AGTPBP1: variants seen among roughly 807,000 people sequenced by gnomAD.
AGTPBP1 encodes cytosolic carboxypeptidase 1.
A neutral mutation model predicts 143.9 loss-of-function variants in AGTPBP1; 70 were observed. The ratio of observed to expected loss-of-function variants is 0.49; its 90% confidence interval spans 0.40 to 0.59. AGTPBP1 has a LOEUF of 0.59. Ranked by LOEUF, AGTPBP1 falls within the 20% of genes least tolerant of loss-of-function variation. The pLI, the probability that AGTPBP1 is intolerant of heterozygous loss-of-function variation, is 0.00. For synonymous variants in AGTPBP1, 463 were observed against 500.2 expected, an observed-to-expected ratio of 0.93 and a Z score of 0.99; for missense variants, 1,229 against 1,464.5, an observed-to-expected ratio of 0.84 and a Z score of 2.62.
intron 19 of AGTPBP1, among the ~76,000 whole-genome samples, chr9:85,591,752 C>T (rs1828981698): frequency 6.6e-6 from 1 of 152,092 alleles, no homozygotes; most frequent in Non-Finnish European, 1.5e-5. Flanking sequence ...ATCTCTTCTG[C>T]TCTACAGACT....
At chr9:85,700,336 C>G (rs1305941770) in intron 2 of AGTPBP1, among the ~76,000 whole-genome samples, 1 of 152,086 alleles carries the variant, frequency 6.6e-6, no homozygotes, top group Non-Finnish European at 1.5e-5. Context: ...CTCATTCAAC[C>G]ATCTAGGCTG....
chr9:85,655,905 G>A (rs1457884970), intron 10 of AGTPBP1, among the ~76,000 whole-genome samples: 1 of 152,190 alleles, frequency 6.6e-6, no homozygotes, highest in Non-Finnish European at 1.5e-5. Context: ...TCGGCTCACT[G>A]CAAGCTCCGC....
At chr9:85,657,341 A>T in intron 10 of AGTPBP1, 94 bp downstream of exon 10, 1 of 1,084,984 alleles carries the variant, frequency 9.2e-7, no homozygotes, top group Non-Finnish European at 1.3e-6. Flanking sequence ...TCCTGTGTAT[A>T]CGTTTCTGAG....
intron 17 of AGTPBP1, among the ~76,000 whole-genome samples, chr9:85,608,909 G>C (rs113032057): frequency 0.019 from 2,842 of 152,170 alleles, 91 homozygotes; most frequent in African/African-American, 0.065. Flanking sequence ...ATAGGGTGGA[G>C]GAAGGCATCT....
At chr9:85,652,481 C>T (rs576439720) in intron 11 of AGTPBP1, among the ~76,000 whole-genome samples, 2 of 152,086 alleles carry the variant, frequency 1.3e-5, no homozygotes, top group Non-Finnish European at 2.9e-5. Context: ...CACTGCACTC[C>T]AGCCTGAAGA....
chr9:85,796,855 C>T, the AGTPBP1 span, among the ~76,000 whole-genome samples: 1 of 152,114 alleles, frequency 6.6e-6, no homozygotes, highest in Non-Finnish European at 1.5e-5. Flanking sequence ...GGTGCAGTCT[C>T]GGCTCACTGC....
chr9:85,798,262 T>C, the AGTPBP1 span, among the ~76,000 whole-genome samples: 1 of 152,142 alleles, frequency 6.6e-6, no homozygotes, highest in Non-Finnish European at 1.5e-5. Flanking sequence ...TTCTAGCAGT[T>C]TCCTGAGTGA....
chr9:85,632,849 A>G lies in AGTPBP1; in HGVS notation c.1828T>C (p.Ser610Pro). Residue 610 changes from serine (S) to proline (P), a missense_variant, in exon 14 of 26, where the codon TCG becomes CCG. Around this residue, in one of 2 missense-constraint regions of AGTPBP1, gnomAD observed 743 missense variants for 812.2 expected, o/e 0.91. Transcript: ENST00000357081. ...EDDEDTESNS[S>P]VEQASVEVPD... ...ACTTCAACCGATGCTTGTTCTACCG[A>G]TGAATTTGACTCAGTATCTTCATCA... 6.2e-7 allele frequency: 1 copy of G among 1,614,170 alleles called. No homozygotes were observed.
intron 1 of AGTPBP1, among the ~76,000 whole-genome samples, chr9:85,728,655 T>C (rs534931500): frequency 1.6e-4 from 24 of 152,192 alleles, no homozygotes; most frequent in Non-Finnish European, 3.1e-4. Flanking sequence ...GAACTTCTTT[T>C]AGTTTTAAAA....
chr9:85,737,280 G>A (rs982476766), intron 1 of AGTPBP1, among the ~76,000 whole-genome samples: 2 of 152,068 alleles, frequency 1.3e-5, no homozygotes, highest in African/African-American at 4.8e-5. Flanking sequence ...AAAGTAAAGT[G>A]CTTCTGTAAC....
chr9:85,756,479 A>G, the AGTPBP1 span, among the ~76,000 whole-genome samples: 1 of 105,714 alleles, frequency 9.5e-6, no homozygotes, highest in Non-Finnish European at 1.7e-5. Flanking sequence ...CAGTAATCTC[A>G]CTCCTAGGGA....
the AGTPBP1 span, among the ~76,000 whole-genome samples, chr9:85,797,418 T>A: frequency 6.6e-6 from 1 of 152,182 alleles, no homozygotes; most frequent in Non-Finnish European, 1.5e-5. Context: ...GGTTGCTTAG[T>A]TTTCTCTATA....
At chr9:85,693,225 C>A (rs1367019670) in intron 2 of AGTPBP1, among the ~76,000 whole-genome samples, 1 of 152,176 alleles carries the variant, frequency 6.6e-6, no homozygotes, top group Non-Finnish European at 1.5e-5. Flanking sequence ...CAAGAATACA[C>A]TCACTTTCCT....
intron 5 of AGTPBP1, 54 bp from the exon 6 acceptor site, chr9:85,677,636 A>C (rs1052514663): frequency 4.1e-5 from 57 of 1,388,350 alleles, no homozygotes; most frequent in Non-Finnish European, 5.3e-5. Flanking sequence ...AAAATTAACA[A>C]ATTTAAACAA....
intron 1 of AGTPBP1, among the ~76,000 whole-genome samples, chr9:85,731,438 G>A (rs1017388571): frequency 6.6e-6 from 1 of 151,966 alleles, no homozygotes; most frequent in Non-Finnish European, 1.5e-5. Context: ...GGGGAGGGAA[G>A]TGTTTTGGTT....
intron 1 of AGTPBP1, among the ~76,000 whole-genome samples, chr9:85,733,251 T>G (rs1839007025): frequency 6.6e-6 from 1 of 152,184 alleles, no homozygotes; most frequent in Admixed American, 6.5e-5. Context: ...CTCAATTGCT[T>G]TTAAAAGATA....
chr9:85,671,762 G>GA (rs1193446835), intron 7 of AGTPBP1, among the ~76,000 whole-genome samples: 17 of 152,124 alleles, frequency 1.1e-4, no homozygotes, highest in African/African-American at 4.1e-4. Context: ...TTTTATCTGA[G>GA]TCTGTCTCTC....
At chr9:85,667,997 G>GT (rs1220046482) in intron 8 of AGTPBP1, among the ~76,000 whole-genome samples, 3 of 151,386 alleles carry the variant, frequency 2.0e-5, no homozygotes, top group Non-Finnish European at 4.4e-5. Context: ...GACAACTGCG[G>GT]TAACACTAAA....
the AGTPBP1 span, chr9:85,781,304 A>G: frequency 4.3e-5 from 67 of 1,569,404 alleles, no homozygotes; most frequent in Non-Finnish European, 5.5e-5. Flanking sequence ...AGCCGGGATC[A>G]TAAGAAGAAA....
Sources: allele counts gnomAD v4.1 joint callset (sites outside exome capture counted in the v4.1 genomes callset), GRCh38; gene constraint gnomAD v4.1.1; regional missense constraint gnomAD v4.1.1; transcripts MANE v1.5; gene names NCBI Gene and HGNC (gene_info 2026-07-23, HGNC 2026-07-21).